Variants in CDH5 observed in about 807,000 individuals in gnomAD.
The protein encoded by CDH5 is cadherin-5.
A neutral mutation model predicts 62.0 loss-of-function variants in CDH5; 28 were observed. The observed-to-expected ratio is 0.45, with a 90% CI of 0.33 to 0.62. CDH5 has a LOEUF of 0.62. CDH5 is among the 20% of genes least tolerant of loss of function. The probability of loss-of-function intolerance (pLI) is 0.02; values close to 1 mark genes in which losing one functional copy is unlikely to be tolerated. For missense variants in CDH5, 940 were observed against 1,065.1 expected, an observed-to-expected ratio of 0.88 and a Z score of 1.63; for synonymous variants, 464 against 445.8, an observed-to-expected ratio of 1.04 and a Z score of -0.52.
chr16:66,379,603 AGTG>A, intron 2 of CDH5, 56 bp downstream of exon 2: 4 of 1,510,088 alleles, frequency 2.6e-6, no homozygotes, highest in Non-Finnish European at 3.7e-6. Context: ...CATAGTGACA[AGTG>A]GTGGTGGTGA....
intron 7 of CDH5, 85 bp from the exon 8 acceptor site, chr16:66,395,974 T>C (rs1026807873): frequency 2.0e-5 from 28 of 1,399,816 alleles, no homozygotes; most frequent in Non-Finnish European, 2.7e-5. Context: ...AGGGGACAGA[T>C]GCAGAAGGGC....
chr16:66,371,306 C>A (rs1047196512), intron 1 of CDH5, among the ~76,000 whole-genome samples: 1 of 152,150 alleles, frequency 6.6e-6, no homozygotes, highest in Admixed American at 6.5e-5. Context: ...CCCAGGGCCA[C>A]ACACGGAGCT....
intron 2 of CDH5, among the ~76,000 whole-genome samples, chr16:66,386,121 C>T (rs1354957533): frequency 6.6e-6 from 1 of 152,200 alleles, no homozygotes; most frequent in Non-Finnish European, 1.5e-5. Context: ...ATATCCTTTG[C>T]CTTCCAATGG....
At chr16:66,402,612 C>T in intron 11 of CDH5, 40 bp from the exon 12 acceptor site, 5 of 1,506,674 alleles carry the variant, frequency 3.3e-6, no homozygotes, top group Non-Finnish European at 4.4e-6. Context: ...CCCAGGCCCC[C>T]AGCCTTGTCT....
At chr16:66,394,484 C>T (rs978197165) in intron 7 of CDH5, among the ~76,000 whole-genome samples, 52 of 152,006 alleles carry the variant, frequency 3.4e-4, no homozygotes, top group African/African-American at 1.2e-3. Flanking sequence ...CTTCTTTTAT[C>T]TTGTTTTACA....
At chr16:66,382,128 C>T (rs556486075) in intron 2 of CDH5, among the ~76,000 whole-genome samples, 2 of 152,312 alleles carry the variant, frequency 1.3e-5, no homozygotes, top group South Asian at 2.1e-4. Context: ...CTGAGAAGGC[C>T]GGTGTGGCCC....
chr16:66,370,666 A>G (rs945920075), intron 1 of CDH5, among the ~76,000 whole-genome samples: 1 of 152,134 alleles, frequency 6.6e-6, no homozygotes, highest in African/African-American at 2.4e-5. Context: ...ATAGGCCAGG[A>G]GGCAGAGGCT....
At position 66,389,377 on chromosome 16, in the gene CDH5, G is replaced by C; in HGVS notation, c.636G>C (p.Thr212=). ...TTGCAGGACGTATTATCACAATAAC[G>C]AAAAGCTTGGACCGAGAGAAGCAGG... ...IDNSGRIITI[T]KSLDREKQAR... Residue 212 remains threonine, a synonymous_variant, in exon 5 of 12, where the codon ACG becomes ACC. Transcript: ENST00000341529. 1 of 1,611,756 alleles carries C rather than the reference G, an allele frequency of 6.2e-7. No individual in the cohort carries two copies. The highest frequency in any genetic ancestry group is 1.1e-5 in the South Asian group (1 of 90,824).
intron 2 of CDH5, among the ~76,000 whole-genome samples, chr16:66,384,222 C>G (rs1248580901): frequency 6.7e-6 from 1 of 150,308 alleles, no homozygotes; most frequent in African/African-American, 2.5e-5. Context: ...GTAGCTGAGA[C>G]TACAGCTGGG....
rs538904151 is a variant in CDH5 at position 66,403,235 on chromosome 16, G to A, written c.*66G>A. The A allele has an allele frequency of 4.2e-5, 61 of 1,440,238 alleles. No homozygotes were observed. The African/African-American group carries it at 5.8e-4, about 14-fold the overall frequency. The allele number at this position is 1,440,238 out of a possible 1,614,324, so 89.2% of individuals were successfully genotyped here. On this transcript the variant is annotated 3_prime_UTR_variant, in exon 12 of 12. Transcript: ENST00000341529. The surrounding 1 kb of genome is among the most constrained non-coding windows in gnomAD (Gnocchi z 4.3). Reference sequence around the variant, plus strand: ...GCAGCCCAGGCCAGTCAGACGCCAGGCACCACAGCCTCCAAAAATGGCAGT... The same window carrying A: ...GCAGCCCAGGCCAGTCAGACGCCAGACACCACAGCCTCCAAAAATGGCAGT...
intron 2 of CDH5, 54 bp from the exon 3 acceptor site, chr16:66,386,751 ACACT>A (rs1960990285): frequency 1.4e-6 from 2 of 1,456,004 alleles, no homozygotes; most frequent in Non-Finnish European, 1.9e-6. Flanking sequence ...TCTCACTCAC[ACACT>A]CACACACAGC....
Position 66,367,191 on chromosome 16 carries a change from T to C in CDH5, c.-20+433T>C, listed in dbSNP as rs764838874. ...TTACCAAGGCCTGACACCAGCCTCC[T>C]CAGCCCCCTACCCATACGCCACTAA... On this transcript the variant is annotated intron_variant, in intron 1 of 11. Coordinates refer to ENST00000341529, the MANE Select transcript of CDH5 (RefSeq NM_001795.5). Among the ~76,000 whole-genome samples the C allele has an allele frequency of 9.5e-4, 145 of 152,274 alleles. 1 individual carries two copies. Among genetic ancestry groups the C allele is most frequent in the Non-Finnish European group, 1.8e-3 (119 of 67,998 alleles).
chr16:66,369,440 G>A (rs913046265), intron 1 of CDH5, among the ~76,000 whole-genome samples: 1 of 152,156 alleles, frequency 6.6e-6, no homozygotes, highest in African/African-American at 2.4e-5. Flanking sequence ...CCTGCCCAGG[G>A]AGGCAGCTAT....
At chr16:66,396,499 A>T (rs1325943617) in intron 8 of CDH5, among the ~76,000 whole-genome samples, 1 of 152,164 alleles carries the variant, frequency 6.6e-6, no homozygotes, top group Admixed American at 6.5e-5. Context: ...TGTCTCTGTG[A>T]CGAGAATCAC....
At chr16:66,401,680 C>A (rs1030790371) in intron 11 of CDH5, among the ~76,000 whole-genome samples, 2 of 152,140 alleles carry the variant, frequency 1.3e-5, no homozygotes, top group Non-Finnish European at 2.9e-5. Context: ...AGGAGGCCAG[C>A]GAAGGTGGAA....
Position 66,388,412 on chromosome 16 carries a change from G to A in CDH5, c.588G>A (p.Gly196=), listed in dbSNP as rs143871513. 32 of 1,612,906 alleles carry A rather than the reference G, an allele frequency of 2.0e-5. No individual in the cohort carries two copies. The African/African-American group carries it at 3.9e-4, about 19-fold the overall frequency. ...HASVMYQILK[G]KEYFAIDNSG... ...CTGTCATGTACCAAATCCTGAAGGG[G>A]AAAGAGTATTTTGCCATCGATAATT... Residue 196 remains glycine (G), a synonymous_variant, in exon 4 of 12, where the codon GGG becomes GGA. Transcript: ENST00000341529.
chr16:66,388,141 C>A (rs2142327713), intron 3 of CDH5, among the ~76,000 whole-genome samples, 183 bp from the exon 4 acceptor site: 1 of 152,300 alleles, frequency 6.6e-6, no homozygotes, highest in East Asian at 1.9e-4. Context: ...CCTGGCTGGG[C>A]CCCCACTGCC....
chr16:66,379,178 C>A (rs1960838145), intron 1 of CDH5, 141 bp from the exon 2 acceptor site: 1 of 677,892 alleles, frequency 1.5e-6, no homozygotes, highest in Non-Finnish European at 2.6e-6. Flanking sequence ...AAAGGGGGAA[C>A]AATAATGTTA....
chr16:66,372,482 C>A (rs561054422), intron 1 of CDH5, among the ~76,000 whole-genome samples: 1 of 152,338 alleles, frequency 6.6e-6, no homozygotes, highest in African/African-American at 2.4e-5. Context: ...AGAGAGTTAA[C>A]GTCCTGTGGG....
Sources: allele counts gnomAD v4.1 joint callset (sites outside exome capture counted in the v4.1 genomes callset), GRCh38; gene constraint gnomAD v4.1.1; non-coding constraint Gnocchi (gnomAD v3.1); transcripts MANE v1.5; gene names NCBI Gene and HGNC (gene_info 2026-07-23, HGNC 2026-07-21).